Variants in ZDHHC11 observed in about 807,000 individuals in gnomAD.
ZDHHC11 encodes the protein palmitoyltransferase ZDHHC11.
A neutral mutation model predicts 51.3 loss-of-function variants in ZDHHC11; 44 were observed. That is an observed-to-expected ratio of 0.86 (90% confidence interval 0.67 to 1.10). The LOEUF is 1.10. Among genes scored for constraint, ZDHHC11 ranks in the 50% least tolerant of loss-of-function variants. ZDHHC11 has a pLI of 0.00. For missense variants in ZDHHC11, 400 were observed against 537.7 expected (o/e 0.74, Z 2.53); for synonymous variants, 163 against 222.0 (o/e 0.73, Z 2.36).
chr5:846,077 C>G (rs1339485354), intron 3 of ZDHHC11, among the ~76,000 whole-genome samples: 1 of 150,410 alleles, frequency 6.6e-6, no homozygotes, highest in Non-Finnish European at 1.5e-5. Flanking sequence ...CCCACCTTGG[C>G]CATCGTGGAG....
At position 843,641 on chromosome 5, in the gene ZDHHC11, A is replaced by T. The variant is rs1339657736; in HGVS notation, c.587T>A (p.Leu196His). ...CGTGCGGAGCACCCCGGGGTTCACG[A>T]GGTACTGGACGAGGACATACAGCAG... ...AILLYVLVQY[L>H]VNPGVLRTDP... The change falls in exon 4 of 13, where the codon CTC (leucine) becomes CAC (histidine). Residue 196 changes from leucine to histidine, a missense_variant. Leu to His is a moderately conservative substitution (Grantham distance 99, BLOSUM62 -3). This residue lies in a region of ZDHHC11 where 26 missense variants were observed against 47.1 expected (regional missense o/e 0.55). Coordinates refer to ENST00000283441, the MANE Select transcript of ZDHHC11 (RefSeq NM_024786.3). 2 of 1,607,520 alleles carry T rather than the reference A, an allele frequency of 1.2e-6. No homozygotes were observed. Among genetic ancestry groups the T allele is most frequent in the Non-Finnish European group, 1.7e-6 (2 of 1,176,410 alleles).
At chr5:846,711 A>C (rs113455146) in intron 3 of ZDHHC11, among the ~76,000 whole-genome samples, 1,158 of 123,710 alleles carry the variant, frequency 9.4e-3, no homozygotes, top group African/African-American at 0.042. Flanking sequence ...CTCGTCCTTG[A>C]GCCTCCACCA....
At chr5:851,377 G>C (rs1030496888), upstream of ZDHHC11, among the ~76,000 whole-genome samples, 2 of 151,826 alleles carry the variant, frequency 1.3e-5, no homozygotes, top group African/African-American at 4.8e-5. Context: ...GTCACAGAGC[G>C]GCAGTGAAAG....
chr5:825,337 C>T, intron 7 of ZDHHC11, 86 bp from the exon 8 acceptor site: 1 of 1,348,498 alleles, frequency 7.4e-7, no homozygotes, highest in Non-Finnish European at 1.1e-6. Flanking sequence ...CGCGTCGTGT[C>T]AGCACCACTG....
At chr5:831,416 C>G (rs968362288) in intron 7 of ZDHHC11, among the ~76,000 whole-genome samples, 1 of 149,292 alleles carries the variant, frequency 6.7e-6, no homozygotes, top group Non-Finnish European at 1.5e-5. Context: ...AAACTTGTCT[C>G]TACTAACGAC....
At chr5:815,586 G>T (rs2150320203) in intron 10 of ZDHHC11, among the ~76,000 whole-genome samples, 1 of 151,324 alleles carries the variant, frequency 6.6e-6, no homozygotes, top group African/African-American at 2.4e-5. Context: ...ATTTTTTAGA[G>T]ACAGAGTCTT....
At chr5:819,371 T>G (rs1741263112) in intron 10 of ZDHHC11, among the ~76,000 whole-genome samples, 154 bp downstream of exon 10, 1 of 151,624 alleles carries the variant, frequency 6.6e-6, no homozygotes, top group African/African-American at 2.4e-5. Flanking sequence ...CTCTCTTCTG[T>G]GCTCCACCCA....
intron 7 of ZDHHC11, 34 bp from the exon 8 acceptor site, chr5:825,285 T>C: frequency 6.2e-7 from 1 of 1,603,996 alleles, no homozygotes; most frequent in African/African-American, 1.3e-5. Flanking sequence ...GAAACTCATC[T>C]CAGCTTTGTA....
intron 11 of ZDHHC11, among the ~76,000 whole-genome samples, chr5:808,208 C>T (rs1362116181): frequency 6.6e-6 from 1 of 151,018 alleles, no homozygotes; most frequent in Non-Finnish European, 1.5e-5. Context: ...AGTTGCGCAG[C>T]CTCCCCCTCG....
Position 812,986 on chromosome 5 carries a change from T to C in ZDHHC11, c.1181+1775A>G, listed in dbSNP as rs887872640. Among the ~76,000 whole-genome samples, 10 of 141,216 alleles carry C rather than the reference T, an allele frequency of 7.1e-5. 3 individuals are homozygous for C. The highest frequency in any genetic ancestry group is 2.9e-4 in the African/African-American group (10 of 34,356). The allele number at this position is 141,216 out of a possible 152,430, so 92.6% of individuals were successfully genotyped here. On this transcript the variant is annotated intron_variant, in intron 11 of 12. Coordinates refer to ENST00000283441, the MANE Select transcript of ZDHHC11 (RefSeq NM_024786.3). ...CATCTTCAAACTGATACAATTAGCA[T>C]GTAACAAGGTTATAAGTTCTGAGTA...
intron 11 of ZDHHC11, among the ~76,000 whole-genome samples, chr5:809,020 C>CATGCA (rs1390690453): frequency 5.6e-5 from 8 of 142,126 alleles, no homozygotes; most frequent in South Asian, 2.2e-4. Flanking sequence ...CACACGCACA[C>CATGCA]TATTTATTCC....
chr5:846,258 C>T (rs1015672608), intron 3 of ZDHHC11, among the ~76,000 whole-genome samples: 1 of 151,164 alleles, frequency 6.6e-6, no homozygotes, highest in East Asian at 1.9e-4. Flanking sequence ...GGGCAGGGAC[C>T]GCCCGGTGCG....
At chr5:849,203 G>T (rs943801842) in intron 1 of ZDHHC11, among the ~76,000 whole-genome samples, 1 of 152,170 alleles carries the variant, frequency 6.6e-6, no homozygotes, top group African/African-American at 2.4e-5. Flanking sequence ...TCGGGGACCG[G>T]GAAGGCTGCC....
upstream of ZDHHC11, among the ~76,000 whole-genome samples, chr5:852,953 G>A (rs994398444): frequency 6.9e-6 from 1 of 145,948 alleles, no homozygotes; most frequent in Non-Finnish European, 1.5e-5. Flanking sequence ...ACCCCACGCA[G>A]GACAGCAAGC....
chr5:820,796 T>A (rs1028130922), intron 9 of ZDHHC11, among the ~76,000 whole-genome samples: 3 of 151,080 alleles, frequency 2.0e-5, no homozygotes, highest in African/African-American at 7.3e-5. Flanking sequence ...CAAAAGTAAA[T>A]GAAAAATGAA....
intron 6 of ZDHHC11, among the ~76,000 whole-genome samples, chr5:834,498 TTTTC>T (rs1450341613): frequency 6.6e-6 from 1 of 151,548 alleles, no homozygotes; most frequent in East Asian, 1.9e-4. Flanking sequence ...AAAAACTGAG[TTTTC>T]TGTTTGTTTA....
chr5:828,724 A>C (rs1028091565), intron 7 of ZDHHC11, among the ~76,000 whole-genome samples: 13 of 150,722 alleles, frequency 8.6e-5, no homozygotes, highest in African/African-American at 3.2e-4. Context: ...TACATGGAAA[A>C]TTCTCCAAGA....
At chr5:800,257 A>G (rs909512609) in intron 12 of ZDHHC11, among the ~76,000 whole-genome samples, 3 of 150,676 alleles carry the variant, frequency 2.0e-5, no homozygotes, top group Non-Finnish European at 4.4e-5. Context: ...TGTATGGATC[A>G]TGCCTTTCAG....
At position 801,588 on chromosome 5, in the gene ZDHHC11, C is replaced by G. The variant is rs551234837; in HGVS notation, c.1182-424G>C. On this transcript the variant is annotated intron_variant, in intron 11 of 12. Coordinates refer to ENST00000283441, the MANE Select transcript of ZDHHC11 (RefSeq NM_024786.3). ...TCAGGGAGCCTTAAGTGTTTTTATA[C>G]CCACATCTTGAGTACAGGTGTTTTG... Among the ~76,000 whole-genome samples, 19 of 151,264 alleles carry G rather than the reference C, an allele frequency of 1.3e-4. 1 individual carries two copies. Among genetic ancestry groups the G allele is most frequent in the African/African-American group, 4.1e-4 (17 of 41,204 alleles).
Sources: allele counts gnomAD v4.1 joint callset (sites outside exome capture counted in the v4.1 genomes callset), GRCh38; gene constraint gnomAD v4.1.1; regional missense constraint gnomAD v4.1.1; transcripts MANE v1.5; gene names NCBI Gene and HGNC (gene_info 2026-07-23, HGNC 2026-07-21).